MECOM: variants seen among roughly 807,000 people sequenced by gnomAD.
MECOM encodes MDS1 and EVI1 complex locus.
MECOM carries 13 observed loss-of-function variants against 116.3 expected under a neutral mutation model. The ratio of observed to expected loss-of-function variants is 0.11; its 90% CI spans 0.07 to 0.18. The LOEUF is 0.18. MECOM is among the 10% of genes least tolerant of loss of function. MECOM has a pLI of 1.00. For synonymous variants in MECOM, 528 were observed against 535.2 expected (o/e 0.99, Z 0.19); for missense variants, 1,299 against 1,509.0 (o/e 0.86, Z 2.31).
intron 1 of MECOM, among the ~76,000 whole-genome samples, chr3:169,446,046 G>A (rs1230731466): frequency 6.6e-6 from 1 of 152,200 alleles, no homozygotes; most frequent in Non-Finnish European, 1.5e-5. Flanking sequence ...AGGTGGAAGG[G>A]AGTTGCCTTG....
intron 11 of MECOM, among the ~76,000 whole-genome samples, chr3:169,101,323 G>A (rs144438300): frequency 6.6e-6 from 1 of 152,262 alleles, no homozygotes; most frequent in East Asian, 1.9e-4. Flanking sequence ...ATTCTGGGTT[G>A]ATGTAAACAG....
intron 2 of MECOM, among the ~76,000 whole-genome samples, chr3:169,187,780 G>A (rs977383598): frequency 2.0e-5 from 3 of 152,082 alleles, no homozygotes; most frequent in African/African-American, 7.2e-5. Flanking sequence ...ACCTAATACA[G>A]GAAGAAGTTG....
intron 2 of MECOM, among the ~76,000 whole-genome samples, chr3:169,346,227 C>T (rs1204158281): frequency 6.6e-6 from 1 of 152,050 alleles, no homozygotes; most frequent in African/African-American, 2.4e-5. Flanking sequence ...CCAGAAGGCT[C>T]ATAACAACCT....
At chr3:169,306,769 A>G (rs1224338911) in intron 2 of MECOM, among the ~76,000 whole-genome samples, 1 of 152,200 alleles carries the variant, frequency 6.6e-6, no homozygotes, top group Non-Finnish European at 1.5e-5. Context: ...TCCTGCTGCT[A>G]TGGCTGTATA....
At chr3:169,172,144 A>T (rs1020332138) in intron 2 of MECOM, among the ~76,000 whole-genome samples, 1 of 152,088 alleles carries the variant, frequency 6.6e-6, no homozygotes, top group African/African-American at 2.4e-5. Flanking sequence ...AAAAAAAAAA[A>T]ATCTTCCCAT....
chr3:169,403,417 G>C (rs1736189996), intron 1 of MECOM, among the ~76,000 whole-genome samples: 1 of 152,186 alleles, frequency 6.6e-6, no homozygotes, highest in Non-Finnish European at 1.5e-5. Context: ...TGTAATGGGT[G>C]CAATAGACAC....
chr3:169,089,201 A>T lies in MECOM; in HGVS notation c.3402-18T>A. ...CTTTATACCTAAAATGAACCAACGA[A>T]AAACACAGAAATTTTCTTTTCATTT... On this transcript the variant is annotated intron_variant, in intron 15 of 16. Coordinates refer to ENST00000651503, the MANE Select transcript of MECOM (RefSeq NM_004991.4). The T allele has an allele frequency of 6.9e-7, 1 of 1,452,418 alleles. No homozygotes were observed. Among genetic ancestry groups the T allele is most frequent in the South Asian group, 1.6e-5 (1 of 63,358 alleles). 90.0% of individuals were successfully genotyped at this position (1,452,418 alleles called of 1,614,324 possible). A position where few individuals can be genotyped will look rare whatever the true frequency, so the allele number is the denominator to read the frequency against.
intron 3 of MECOM, among the ~76,000 whole-genome samples, chr3:169,136,167 T>C (rs993186488): frequency 2.0e-5 from 3 of 151,792 alleles, no homozygotes; most frequent in East Asian, 3.8e-4. Flanking sequence ...ACAGTGGTGA[T>C]ATGAAATTGA....
chr3:169,209,979 TAAAG>T (rs1226617688), intron 2 of MECOM, among the ~76,000 whole-genome samples: 1 of 151,956 alleles, frequency 6.6e-6, no homozygotes, highest in African/African-American at 2.4e-5. Flanking sequence ...ATAGACACAA[TAAAG>T]AAAATGTGGT....
At chr3:169,180,707 C>A (rs933318275) in intron 2 of MECOM, among the ~76,000 whole-genome samples, 2 of 150,120 alleles carry the variant, frequency 1.3e-5, no homozygotes, top group African/African-American at 4.9e-5. Context: ...CAGACTTGCA[C>A]TTTCTTATTG....
At chr3:169,266,455 G>A (rs780804838) in intron 2 of MECOM, among the ~76,000 whole-genome samples, 18 of 152,106 alleles carry the variant, frequency 1.2e-4, no homozygotes, top group East Asian at 1.9e-4. Context: ...CTTCTAAATC[G>A]TTAAATGATT....
At chr3:169,598,602 C>T (rs2109715339) in intron 1 of MECOM, among the ~76,000 whole-genome samples, 1 of 152,262 alleles carries the variant, frequency 6.6e-6, no homozygotes, top group East Asian at 1.9e-4. Context: ...CTACCGCCAC[C>T]TTGAACTAGC....
At chr3:169,602,177 G>A (rs1047185916) in intron 1 of MECOM, among the ~76,000 whole-genome samples, 4 of 152,180 alleles carry the variant, frequency 2.6e-5, no homozygotes, top group Non-Finnish European at 4.4e-5. Flanking sequence ...AAAAACTTAT[G>A]TATCTGATAT....
chr3:169,495,444 T>C (rs1190643001), intron 1 of MECOM, among the ~76,000 whole-genome samples: 1 of 152,176 alleles, frequency 6.6e-6, no homozygotes, highest in African/African-American at 2.4e-5. Flanking sequence ...ACAATTAGAG[T>C]CTGTATTTTA....
chr3:169,477,105 G>GTA lies in MECOM; in HGVS notation c.38-95583_38-95582dup, dbSNP rs1166256593. The GTA allele has an allele frequency of 9.1e-3, 541 of 59,262 alleles. 5 individuals carry two copies. The highest frequency in any genetic ancestry group is 0.019 in the Middle Eastern group (2 of 108). The allele number at this position is 59,262 out of a possible 1,614,324, so 3.7% of individuals were successfully genotyped here. ...GATGTGTGTGTGTGTGTGTGTGTGT[G>GTA]TATATATATATATATATATATATAT... On this transcript the variant is annotated intron_variant, in intron 1 of 16. Transcript: ENST00000651503.
At chr3:169,128,722 A>G (rs1733705240) in intron 4 of MECOM, among the ~76,000 whole-genome samples, 1 of 152,218 alleles carries the variant, frequency 6.6e-6, no homozygotes, top group Non-Finnish European at 1.5e-5. Context: ...ATGTTACCCC[A>G]GGGTCAGTGC....
intron 1 of MECOM, among the ~76,000 whole-genome samples, chr3:169,519,602 T>C (rs1473596840): frequency 1.3e-5 from 2 of 152,188 alleles, no homozygotes; most frequent in Non-Finnish European, 2.9e-5. Context: ...AGACTTTGCT[T>C]TTAGGAGGAG....
chr3:169,470,401 T>C (rs1267607935), intron 1 of MECOM, among the ~76,000 whole-genome samples: 1 of 152,206 alleles, frequency 6.6e-6, no homozygotes, highest in Admixed American at 6.5e-5. Context: ...AACGAGCTTC[T>C]TGATGACAGC....
chr3:169,275,566 C>T (rs376966144), intron 2 of MECOM, among the ~76,000 whole-genome samples: 23 of 152,266 alleles, frequency 1.5e-4, no homozygotes, highest in South Asian at 1.5e-3. Context: ...TCTAATGATA[C>T]GCAAATGGCA....
Sources: allele counts gnomAD v4.1 joint callset (sites outside exome capture counted in the v4.1 genomes callset), GRCh38; gene constraint gnomAD v4.1.1; transcripts MANE v1.5; gene names NCBI Gene and HGNC (gene_info 2026-07-23, HGNC 2026-07-21).